Variants in OTUD7A observed in about 807,000 individuals in gnomAD.
OTUD7A encodes OTU deubiquitinase 7A, also known as OTU domain-containing protein 7A.
Under a neutral mutation model 65.7 loss-of-function variants are expected in OTUD7A, and 12 were observed. That is an observed-to-expected ratio of 0.18 (90% CI 0.12 to 0.30). The LOEUF is 0.30. Ranked by LOEUF, OTUD7A falls within the 10% of genes least tolerant of loss-of-function variation. The probability of loss-of-function intolerance (pLI) is 1.00; values close to 1 mark genes in which losing one functional copy is unlikely to be tolerated. For missense variants in OTUD7A, 1,148 were observed against 1,304.8 expected (o/e 0.88, Z 1.85); for synonymous variants, 641 against 586.3 (o/e 1.09, Z -1.35).
chr15:31,844,064 G>A (rs1436990831), intron 1 of OTUD7A, among the ~76,000 whole-genome samples: 1 of 152,140 alleles, frequency 6.6e-6, no homozygotes, highest in African/African-American at 2.4e-5. Flanking sequence ...TCACTTCGAC[G>A]GAATATTTGA....
At chr15:31,678,882 G>A (rs942676610) in intron 1 of OTUD7A, among the ~76,000 whole-genome samples, 2 of 152,160 alleles carry the variant, frequency 1.3e-5, no homozygotes, top group Admixed American at 6.5e-5. Context: ...TCCCAGAATC[G>A]TAGATCCACC....
chr15:31,565,787 A>G (rs1030584321), intron 4 of OTUD7A, among the ~76,000 whole-genome samples: 3 of 152,256 alleles, frequency 2.0e-5, no homozygotes, highest in Non-Finnish European at 4.4e-5. Context: ...GGGAAAATGT[A>G]CTTGAATAAC....
At chr15:31,560,870 C>T (rs1230128179) in intron 4 of OTUD7A, among the ~76,000 whole-genome samples, 1 of 152,208 alleles carries the variant, frequency 6.6e-6, no homozygotes, top group Non-Finnish European at 1.5e-5. Context: ...GAAAACCCAG[C>T]CCCAGCTTTC....
intron 3 of OTUD7A, among the ~76,000 whole-genome samples, chr15:31,632,161 T>A (rs1458354735): frequency 6.6e-6 from 1 of 152,216 alleles, no homozygotes; most frequent in African/African-American, 2.4e-5. Context: ...GGAGGAGAGG[T>A]GCTCTGCTTT....
At chr15:31,528,101 G>A (rs902815453) in intron 6 of OTUD7A, among the ~76,000 whole-genome samples, 8 of 152,224 alleles carry the variant, frequency 5.3e-5, no homozygotes, top group East Asian at 1.9e-4. Flanking sequence ...GGCAGTGGCC[G>A]GGACACATGA....
At chr15:31,817,369 T>C (rs1271831868) in intron 1 of OTUD7A, among the ~76,000 whole-genome samples, 1 of 150,944 alleles carries the variant, frequency 6.6e-6, no homozygotes. Context: ...AACTCCATTC[T>C]AAGGAAGGAG....
At chr15:31,633,284 T>G (rs1328517297) in intron 3 of OTUD7A, among the ~76,000 whole-genome samples, 1 of 152,168 alleles carries the variant, frequency 6.6e-6, no homozygotes, top group Non-Finnish European at 1.5e-5. Flanking sequence ...TGTATTTGTT[T>G]TAAACCAATT....
intron 1 of OTUD7A, among the ~76,000 whole-genome samples, chr15:31,855,170 C>T (rs188555007): frequency 1.3e-5 from 2 of 152,260 alleles, no homozygotes; most frequent in East Asian, 3.9e-4. Context: ...TTTTACTTTA[C>T]TTAGTTTAAA....
rs925490682 is a variant in OTUD7A at position 31,481,777 on chromosome 15, T to A, written c.*1517A>T. On this transcript the variant is annotated 3_prime_UTR_variant, in exon 13 of 13. Coordinates refer to ENST00000307050, the MANE Select transcript of OTUD7A (RefSeq NM_001382637.1). Reference sequence around the variant, plus strand: ...TTTTTTGTTTTTGCTGCTCTTTAGTTAGGGAAAAAAGCATCGTTTCTAGAG... The same window carrying A: ...TTTTTTGTTTTTGCTGCTCTTTAGTAAGGGAAAAAAGCATCGTTTCTAGAG... 3 of 152,358 alleles carry A rather than the reference T, an allele frequency of 2.0e-5. No individual in the cohort carries two copies. The highest frequency in any genetic ancestry group is 2.0e-4 in the Admixed American group (3 of 15,264). 9.4% of individuals were successfully genotyped at this position (152,358 alleles called of 1,614,324 possible). A position where few individuals can be genotyped will look rare whatever the true frequency, so the allele number is the denominator to read the frequency against.
chr15:31,867,726 G>T (rs1226443664), intron 1 of OTUD7A, among the ~76,000 whole-genome samples: 1 of 152,156 alleles, frequency 6.6e-6, no homozygotes, highest in Non-Finnish European at 1.5e-5. Context: ...GTCTGAGAAG[G>T]CACTCAATCC....
chr15:31,482,902 G>A lies in OTUD7A; in HGVS notation c.*392C>T, dbSNP rs1364435430. 6.6e-6 allele frequency: 1 copy of A among 150,614 alleles called. No individual in the cohort carries two copies. Among genetic ancestry groups the A allele is most frequent in the African/African-American group, 2.4e-5 (1 of 40,858 alleles). The allele number at this position is 150,614 out of a possible 1,614,324, so 9.3% of individuals were successfully genotyped here. On this transcript the variant is annotated 3_prime_UTR_variant, in exon 13 of 13. Transcript: ENST00000307050. Reference sequence around the variant, plus strand: ...GCGCACAAGGGACCGCTACCTGGAAGAGGTCATCGCTAGGGTAGGAGAAAA... The same window carrying A: ...GCGCACAAGGGACCGCTACCTGGAAAAGGTCATCGCTAGGGTAGGAGAAAA...
intron 1 of OTUD7A, among the ~76,000 whole-genome samples, chr15:31,753,718 ATATT>A (rs202177843): frequency 6.1e-4 from 50 of 82,382 alleles, no homozygotes; most frequent in African/African-American, 2.5e-3. Flanking sequence ...ATATATATAT[ATATT>A]ATATATATAT....
chr15:31,645,269 T>A (rs1891627201), intron 3 of OTUD7A, among the ~76,000 whole-genome samples: 1 of 152,250 alleles, frequency 6.6e-6, no homozygotes, highest in East Asian at 1.9e-4. Flanking sequence ...CTGTCTAATG[T>A]TCAGTGTCTT....
At chr15:31,527,130 G>A (rs1029797222) in intron 7 of OTUD7A, 51 bp downstream of exon 7, 1 of 1,610,082 alleles carries the variant, frequency 6.2e-7, no homozygotes, top group Non-Finnish European at 8.5e-7. Context: ...CACGGCCCGA[G>A]GCTGCATCTG....
chr15:31,505,898 C>T (rs1383860748), intron 8 of OTUD7A, among the ~76,000 whole-genome samples: 2 of 151,904 alleles, frequency 1.3e-5, no homozygotes, highest in African/African-American at 2.4e-5. Flanking sequence ...TACAGGCGCC[C>T]GCCACCACGC....
intron 1 of OTUD7A, among the ~76,000 whole-genome samples, chr15:31,796,142 C>CGTGTGCGTGTGTGT (rs1555418459): frequency 6.8e-6 from 1 of 148,020 alleles, no homozygotes; most frequent in Non-Finnish European, 1.5e-5. Context: ...GTAAGGGGTG[C>CGTGTGCGTGTGTGT]GTGTGTGTGT....
intron 8 of OTUD7A, among the ~76,000 whole-genome samples, chr15:31,521,703 T>G (rs983000245): frequency 6.6e-5 from 10 of 152,200 alleles, no homozygotes; most frequent in African/African-American, 2.4e-4. Flanking sequence ...AAAAAGCTAA[T>G]AAAAAGAAAT....
intron 3 of OTUD7A, among the ~76,000 whole-genome samples, chr15:31,649,034 T>C (rs939144502): frequency 6.6e-6 from 1 of 152,194 alleles, no homozygotes; most frequent in Non-Finnish European, 1.5e-5. Context: ...GTGCTAGGAT[T>C]ACAGGCATGA....
intron 1 of OTUD7A, among the ~76,000 whole-genome samples, chr15:31,758,037 C>A (rs961592386): frequency 6.6e-6 from 1 of 152,046 alleles, no homozygotes. Context: ...TAAATGTCTT[C>A]GATTTTTATT....
Sources: gnomAD v4.1 joint callset for allele counts (sites outside exome capture counted in the v4.1 genomes callset) on GRCh38, gnomAD v4.1.1 for gene constraint, MANE v1.5 for transcripts, NCBI Gene and HGNC (gene_info 2026-07-23, HGNC 2026-07-21) for gene names.